The following GNA14 variants were observed in gnomAD, a reference collection of about 807,000 sequenced individuals.
GNA14 encodes G protein subunit alpha 14.
Under a neutral mutation model 42.0 loss-of-function variants are expected in GNA14, and 50 were observed. The ratio of observed to expected loss-of-function variants is 1.19; its 90% CI spans 0.95 to 1.51. The LOEUF is 1.51. Among genes scored for constraint, GNA14 ranks in the 40% most tolerant of loss-of-function variants. The probability of loss-of-function intolerance (pLI) is 0.00; values close to 1 mark genes in which losing one functional copy is unlikely to be tolerated. For missense variants in GNA14, 473 were observed against 446.2 expected (o/e 1.06, Z -0.54); for synonymous variants, 173 against 163.1 (o/e 1.06, Z -0.46).
chr9:77,541,371 C>G (rs540725055), intron 1 of GNA14, among the ~76,000 whole-genome samples: 4 of 152,250 alleles, frequency 2.6e-5, no homozygotes, highest in East Asian at 1.9e-4. Context: ...CCATTCTTTT[C>G]TGGCCTGTAA....
At chr9:77,533,510 A>G (rs1330669157) in intron 1 of GNA14, among the ~76,000 whole-genome samples, 1 of 152,188 alleles carries the variant, frequency 6.6e-6, no homozygotes, top group East Asian at 1.9e-4. Context: ...ATAGTTGCTC[A>G]CCATCATCCA....
intron 1 of GNA14, among the ~76,000 whole-genome samples, chr9:77,570,287 A>G (rs1823041044): frequency 6.6e-6 from 1 of 152,294 alleles, no homozygotes; most frequent in Non-Finnish European, 1.5e-5. Context: ...GGTTTTTAAT[A>G]TATTTACTGA....
intron 1 of GNA14, among the ~76,000 whole-genome samples, chr9:77,553,970 A>G (rs778140795): frequency 7.9e-5 from 12 of 152,250 alleles, no homozygotes; most frequent in Admixed American, 4.6e-4. Context: ...ATGAATATTT[A>G]CTGACATGAA....
chr9:77,457,621 C>T (rs1265706404), intron 2 of GNA14, among the ~76,000 whole-genome samples: 1 of 152,172 alleles, frequency 6.6e-6, no homozygotes, highest in South Asian at 2.1e-4. Context: ...ACTCTTTGCA[C>T]TGAATTTAAC....
chr9:77,480,284 C>A (rs536169614), intron 2 of GNA14, among the ~76,000 whole-genome samples: 173 of 152,220 alleles, frequency 1.1e-3, no homozygotes, highest in African/African-American at 3.8e-3. Context: ...TTGTCTAAGG[C>A]CTTTTCTGCA....
At chr9:77,635,238 C>T (rs1367593480) in intron 1 of GNA14, 1 of 152,126 alleles carries the variant, frequency 6.6e-6, no homozygotes, top group African/African-American at 2.4e-5. Context: ...TGCATGTCAT[C>T]CTTGCATAGG....
Position 77,584,253 on chromosome 9 carries a change from A to C in GNA14, c.125-55000T>G, listed in dbSNP as rs185173329. 1.8e-4 allele frequency among the ~76,000 whole-genome samples: 28 copies of C among 152,300 alleles called. 1 individual carries two copies. In the East Asian group the frequency reaches 4.8e-3, roughly 26 times the overall value. ...CAAAATGATAATAAAGATTATTTGG[A>C]ATATAGGCTTATAGTCATCTTTAAT... On this transcript the variant is annotated intron_variant, in intron 1 of 6. Coordinates refer to ENST00000341700, the MANE Select transcript of GNA14 (RefSeq NM_004297.4).
At chr9:77,553,707 G>T (rs1315025823) in intron 1 of GNA14, among the ~76,000 whole-genome samples, 1 of 152,128 alleles carries the variant, frequency 6.6e-6, no homozygotes, top group African/African-American at 2.4e-5. Flanking sequence ...ACAGCAAGAT[G>T]AAGAATTATA....
intron 2 of GNA14, among the ~76,000 whole-genome samples, chr9:77,493,667 G>T (rs543195058): frequency 1.7e-3 from 255 of 152,126 alleles, no homozygotes; most frequent in Non-Finnish European, 3.1e-3. Flanking sequence ...TCTTATTCTG[G>T]TTACTATTAA....
At chr9:77,617,026 C>T (rs910815600) in intron 1 of GNA14, among the ~76,000 whole-genome samples, 6 of 151,918 alleles carry the variant, frequency 3.9e-5, no homozygotes, top group Admixed American at 6.6e-5. Context: ...CCCACCACCA[C>T]GACCGGTTAA....
chr9:77,480,800 A>G (rs1836537292), intron 2 of GNA14, among the ~76,000 whole-genome samples: 1 of 152,162 alleles, frequency 6.6e-6, no homozygotes, highest in Non-Finnish European at 1.5e-5. Flanking sequence ...TGAGGAATTT[A>G]TCCATTTCTT....
chr9:77,512,875 T>C (rs1010879760), intron 2 of GNA14, among the ~76,000 whole-genome samples: 1 of 152,246 alleles, frequency 6.6e-6, no homozygotes, highest in East Asian at 1.9e-4. Context: ...TCATGCTTTG[T>C]TTCAATTAGC....
At chr9:77,605,966 G>A (rs907996092) in intron 1 of GNA14, among the ~76,000 whole-genome samples, 1 of 152,136 alleles carries the variant, frequency 6.6e-6, no homozygotes, top group Non-Finnish European at 1.5e-5. Context: ...TTCCTGATAA[G>A]TTTCATATAT....
intron 1 of GNA14, among the ~76,000 whole-genome samples, chr9:77,643,239 C>CTT (rs1564074104): frequency 6.9e-6 from 1 of 144,662 alleles, no homozygotes; most frequent in South Asian, 2.3e-4. Context: ...AAGGTGTTGT[C>CTT]ATTTTTTTTT....
intron 1 of GNA14, chr9:77,635,306 G>A (rs1459588698): frequency 6.6e-6 from 1 of 152,148 alleles, no homozygotes; most frequent in East Asian, 1.9e-4. Flanking sequence ...GCTGAAGTGA[G>A]TGCATGGTCA....
chr9:77,641,840 G>A (rs896954810), intron 1 of GNA14, among the ~76,000 whole-genome samples: 17 of 152,098 alleles, frequency 1.1e-4, no homozygotes, highest in Admixed American at 3.3e-4. Context: ...AGTGTACTGC[G>A]CTTATGTAAG....
intron 2 of GNA14, among the ~76,000 whole-genome samples, chr9:77,518,353 G>C (rs1308338545): frequency 6.6e-6 from 1 of 152,116 alleles, no homozygotes; most frequent in African/African-American, 2.4e-5. Flanking sequence ...CCACACATCA[G>C]TGAATCCAAA....
chr9:77,647,417 G>A (rs1169062522), intron 1 of GNA14, among the ~76,000 whole-genome samples: 2 of 152,174 alleles, frequency 1.3e-5, no homozygotes, highest in Non-Finnish European at 2.9e-5. Flanking sequence ...CGGTCAAGAG[G>A]TTAAGTGTTA....
At chr9:77,478,430 T>A (rs2131726591) in intron 2 of GNA14, among the ~76,000 whole-genome samples, 1 of 152,322 alleles carries the variant, frequency 6.6e-6, no homozygotes, top group African/African-American at 2.4e-5. Flanking sequence ...TCTATCGTTG[T>A]TGGACATTTG....
Sources: allele counts gnomAD v4.1 joint callset (sites outside exome capture counted in the v4.1 genomes callset), GRCh38; gene constraint gnomAD v4.1.1; transcripts MANE v1.5; gene names NCBI Gene and HGNC (gene_info 2026-07-23, HGNC 2026-07-21).